CPNE4: variants seen among roughly 807,000 people sequenced by gnomAD.
CPNE4 encodes copine-4.
CPNE4 carries 25 observed loss-of-function variants against 67.9 expected under a neutral mutation model. That is an observed-to-expected ratio of 0.37 (90% CI 0.27 to 0.51). The LOEUF (loss-of-function observed/expected upper bound fraction) is 0.51, where lower values mean the gene tolerates loss of function less well. CPNE4 is among the 20% of genes least tolerant of loss of function. The pLI, the probability that CPNE4 is intolerant of heterozygous loss-of-function variation, is 0.93. For synonymous variants in CPNE4, 242 were observed against 244.9 expected (o/e 0.99, Z 0.11); for missense variants, 464 against 690.8 (o/e 0.67, Z 3.68).
In CPNE4 at chr3:131,831,003, G is replaced by A. The variant is rs1285825104; in HGVS notation, c.180+74261C>T. ...ATATACTGTTAGAATAATTGTTCTAGGTCAATTTTTGAATTTTACCTGTAG... is the reference window on the plus strand; with the variant it reads ...ATATACTGTTAGAATAATTGTTCTAAGTCAATTTTTGAATTTTACCTGTAG... On this transcript the variant is annotated intron_variant, in intron 2 of 15. Coordinates refer to ENST00000429747, the MANE Select transcript of CPNE4 (RefSeq NM_130808.3). Among the ~76,000 whole-genome samples, 13 of 151,758 alleles carry A rather than the reference G, an allele frequency of 8.6e-5. No individual in the cohort carries two copies. The Admixed American group carries it at 8.6e-4, about 10-fold the overall frequency.
At chr3:131,671,516 T>A (rs548861185) in intron 6 of CPNE4, among the ~76,000 whole-genome samples, 1 of 151,876 alleles carries the variant, frequency 6.6e-6, no homozygotes, top group South Asian at 2.1e-4. Context: ...AAGTGAGCAG[T>A]TTTGCCTGGT....
chr3:131,811,335 T>A (rs1560370847), intron 2 of CPNE4, among the ~76,000 whole-genome samples: 1 of 152,144 alleles, frequency 6.6e-6, no homozygotes, highest in Non-Finnish European at 1.5e-5. Flanking sequence ...ACTTTAAATA[T>A]GTGCAGCTTT....
intron 2 of CPNE4, among the ~76,000 whole-genome samples, chr3:131,797,543 C>G (rs761307069): frequency 4.6e-5 from 7 of 152,164 alleles, no homozygotes; most frequent in Non-Finnish European, 7.3e-5. Context: ...ACACTCAGGA[C>G]AGCTCATTAC....
At chr3:131,584,436 C>A (rs942179932) in intron 8 of CPNE4, among the ~76,000 whole-genome samples, 6 of 152,148 alleles carry the variant, frequency 3.9e-5, no homozygotes, top group African/African-American at 1.4e-4. Flanking sequence ...TCCTCCTTCC[C>A]TTACTCCCTA....
At chr3:131,623,658 T>C (rs1940591501) in intron 7 of CPNE4, among the ~76,000 whole-genome samples, 1 of 152,230 alleles carries the variant, frequency 6.6e-6, no homozygotes, top group Non-Finnish European at 1.5e-5. Flanking sequence ...TGTGGAGCAG[T>C]GTGATCTGTG....
chr3:131,581,846 C>T (rs1316056888), intron 8 of CPNE4, among the ~76,000 whole-genome samples, 181 bp from the exon 9 acceptor site: 4 of 152,142 alleles, frequency 2.6e-5, no homozygotes, highest in African/African-American at 9.7e-5. Context: ...TACTCACTGT[C>T]AGACTTCTAG....
intron 2 of CPNE4, among the ~76,000 whole-genome samples, chr3:131,745,264 A>G (rs1264915989): frequency 3.3e-5 from 5 of 152,042 alleles, no homozygotes; most frequent in African/African-American, 1.2e-4. Context: ...TCTTTTGCAC[A>G]TTGGATTGCT....
At chr3:131,958,349 G>T (rs544601482) in intron 1 of CPNE4, among the ~76,000 whole-genome samples, 50 of 152,198 alleles carry the variant, frequency 3.3e-4, no homozygotes, top group Non-Finnish European at 4.9e-4. Context: ...CACACCAATG[G>T]TCTCAGTGTG....
intron 7 of CPNE4, among the ~76,000 whole-genome samples, chr3:131,658,779 T>C (rs1282463260): frequency 6.6e-6 from 1 of 152,218 alleles, no homozygotes; most frequent in Non-Finnish European, 1.5e-5. Flanking sequence ...TGAAAGCTGA[T>C]CTTCTTCCTA....
At chr3:131,707,654 T>G (rs1190930852) in intron 3 of CPNE4, among the ~76,000 whole-genome samples, 1 of 152,156 alleles carries the variant, frequency 6.6e-6, no homozygotes, top group Non-Finnish European at 1.5e-5. Context: ...AACTCTCCTG[T>G]CTCTGATAAA....
chr3:131,603,453 T>G (rs191475818), intron 7 of CPNE4, among the ~76,000 whole-genome samples: 1 of 152,220 alleles, frequency 6.6e-6, no homozygotes, highest in African/African-American at 2.4e-5. Context: ...GGATTTTTTA[T>G]GCAAGAATCT....
intron 1 of CPNE4, among the ~76,000 whole-genome samples, chr3:131,981,266 G>A: frequency 6.6e-6 from 1 of 151,632 alleles, no homozygotes; most frequent in Middle Eastern, 3.2e-3. Context: ...AAGATTATAT[G>A]CCCTTTGTCT....
intron 2 of CPNE4, among the ~76,000 whole-genome samples, chr3:131,865,686 G>A (rs1239743491): frequency 6.6e-6 from 1 of 152,170 alleles, no homozygotes; most frequent in Non-Finnish European, 1.5e-5. Context: ...CAGACAGCCT[G>A]GTATTGAGTA....
chr3:131,973,248 T>A (rs1041118761), intron 1 of CPNE4, among the ~76,000 whole-genome samples: 1 of 152,164 alleles, frequency 6.6e-6, no homozygotes, highest in Non-Finnish European at 1.5e-5. Context: ...TTCAAAAAGA[T>A]TTTTAGGTGA....
intron 1 of CPNE4, among the ~76,000 whole-genome samples, chr3:131,907,908 C>CTCTATCT (rs1300716065): frequency 5.9e-5 from 9 of 152,070 alleles, no homozygotes; most frequent in African/African-American, 2.2e-4. Context: ...ATGAGAACTG[C>CTCTATCT]TCTATCTTCT....
At chr3:131,730,194 AT>A (rs904915023) in intron 2 of CPNE4, among the ~76,000 whole-genome samples, 2 of 152,166 alleles carry the variant, frequency 1.3e-5, no homozygotes, top group Non-Finnish European at 2.9e-5. Flanking sequence ...TTGATGATAT[AT>A]TGTTTAATTG....
chr3:131,946,801 G>A (rs186068877), intron 1 of CPNE4, among the ~76,000 whole-genome samples: 32 of 152,134 alleles, frequency 2.1e-4, no homozygotes, highest in African/African-American at 2.4e-4. Context: ...ATTCATAGCC[G>A]TTATAAATAA....
intron 6 of CPNE4, among the ~76,000 whole-genome samples, chr3:131,673,088 A>T (rs2107660267): frequency 6.6e-6 from 1 of 152,208 alleles, no homozygotes; most frequent in East Asian, 1.9e-4. Context: ...CCATTTATTC[A>T]AGAGACTATC....
chr3:132,019,312 TA>T (rs969595982), intron 1 of CPNE4, among the ~76,000 whole-genome samples: 7 of 149,042 alleles, frequency 4.7e-5, no homozygotes, highest in African/African-American at 1.2e-4. Context: ...CATTTCTTAT[TA>T]AAAAAAAAAC....
Sources: allele counts gnomAD v4.1 joint callset (sites outside exome capture counted in the v4.1 genomes callset), GRCh38; gene constraint gnomAD v4.1.1; transcripts MANE v1.5; gene names NCBI Gene and HGNC (gene_info 2026-07-23, HGNC 2026-07-21).